LYPLAL1: variants seen among roughly 807,000 people sequenced by gnomAD.
The protein encoded by LYPLAL1 is lysophospholipase-like protein 1.
Under a neutral mutation model 19.7 loss-of-function variants are expected in LYPLAL1, and 23 were observed. That is an observed-to-expected ratio of 1.17 (90% CI 0.84 to 1.65). The LOEUF (loss-of-function observed/expected upper bound fraction) is 1.65. LYPLAL1 is among the 40% of genes most tolerant of loss of function. The pLI is 0.00. For synonymous variants in LYPLAL1, 119 were observed against 96.3 expected, an observed-to-expected ratio of 1.24 and a Z score of -1.38; for missense variants, 355 against 279.4, an observed-to-expected ratio of 1.27 and a Z score of -1.93.
the LYPLAL1 span, among the ~76,000 whole-genome samples, chr1:219,328,700 T>A: frequency 1.4e-4 from 21 of 152,158 alleles, no homozygotes; most frequent in African/African-American, 5.1e-4. Context: ...CAAAATTATA[T>A]ACAGTATCTA....
the LYPLAL1 span, among the ~76,000 whole-genome samples, chr1:219,358,949 T>G: frequency 6.6e-6 from 1 of 152,116 alleles, no homozygotes; most frequent in Admixed American, 6.5e-5. Flanking sequence ...CCACTAGGCC[T>G]TCCCAGTAGT....
At chr1:219,327,857 T>C in the LYPLAL1 span, among the ~76,000 whole-genome samples, 20 of 152,168 alleles carry the variant, frequency 1.3e-4, no homozygotes, top group Admixed American at 2.6e-4. Context: ...CCTTTCATCT[T>C]CCACCATGAT....
the LYPLAL1 span, among the ~76,000 whole-genome samples, chr1:219,247,694 A>G: frequency 6.6e-6 from 1 of 152,200 alleles, no homozygotes; most frequent in Non-Finnish European, 1.5e-5. Flanking sequence ...AAAATAATAA[A>G]CAACAGCTTC....
chr1:219,257,352 A>ATT, the LYPLAL1 span, among the ~76,000 whole-genome samples: 1 of 70,920 alleles, frequency 1.4e-5, no homozygotes, highest in African/African-American at 4.4e-5. Context: ...CATCCATACC[A>ATT]GTTTTTGTTT....
chr1:219,193,063 G>GT lies in LYPLAL1; in HGVS notation c.192-19_192-18insT, dbSNP rs761622886. On this transcript the variant is annotated intron_variant, in intron 2 of 4. Coordinates refer to ENST00000366928, the MANE Select transcript of LYPLAL1 (RefSeq NM_138794.5). ...CCTTTTCCTTTCTTTTTTTTTGGGG[G>GT]GGGGCGGTTGTTAAACAGATCATAT... is the stretch of plus-strand genomic sequence containing the variant. The GT allele has an allele frequency of 1.4e-5, 21 of 1,516,144 alleles. No homozygotes were observed. Among genetic ancestry groups the GT allele is most frequent in the South Asian group, 7.7e-5 (6 of 77,826 alleles). The allele number at this position is 1,516,144 out of a possible 1,614,324, so 93.9% of individuals were successfully genotyped here.
chr1:219,422,893 T>A, the LYPLAL1 span, among the ~76,000 whole-genome samples: 1 of 152,192 alleles, frequency 6.6e-6, no homozygotes, highest in African/African-American at 2.4e-5. Flanking sequence ...TAGTCATCTT[T>A]GGTCATTCAC....
At chr1:219,271,445 C>T in the LYPLAL1 span, 4 of 149,018 alleles carry the variant, frequency 2.7e-5, no homozygotes, top group Non-Finnish European at 5.9e-5. Context: ...AACTAAAAGA[C>T]CGGCTCCGTG....
the LYPLAL1 span, among the ~76,000 whole-genome samples, chr1:219,281,480 C>T: frequency 3.9e-5 from 6 of 152,076 alleles, no homozygotes; most frequent in Admixed American, 1.3e-4. Flanking sequence ...CTGTAAAACC[C>T]AGAAAGGCTC....
At position 219,211,520 on chromosome 1, in the gene LYPLAL1, C is replaced by G; in HGVS notation, c.506C>G (p.Pro169Arg). ...QALQKSNGVL[P>R]ELFQCHGTAD... ...CTTCAGAAGAGTAATGGTGTACTTC[C>G]TGAATTATTTCAGTGTCATGGTACT... Residue 169 changes from proline to arginine, a missense_variant, in exon 5 of 5, where the codon CCT (proline) becomes CGT (arginine). Transcript: ENST00000366928. 6.2e-7 allele frequency: 1 copy of G among 1,611,556 alleles called. No individual in the cohort carries two copies. Among genetic ancestry groups the G allele is most frequent in the Non-Finnish European group, 8.5e-7 (1 of 1,178,336 alleles).
At chr1:219,256,850 C>G in the LYPLAL1 span, among the ~76,000 whole-genome samples, 1 of 151,908 alleles carries the variant, frequency 6.6e-6, no homozygotes, top group Admixed American at 6.6e-5. Flanking sequence ...TCTTTTCCAA[C>G]CTTTTGGGAA....
At chr1:219,389,907 T>C in the LYPLAL1 span, among the ~76,000 whole-genome samples, 3 of 152,320 alleles carry the variant, frequency 2.0e-5, no homozygotes, top group East Asian at 1.9e-4. Context: ...CAGATTTGCA[T>C]AGATTGAAAA....
chr1:219,367,945 AT>A, the LYPLAL1 span, among the ~76,000 whole-genome samples: 148 of 144,472 alleles, frequency 1.0e-3, 1 homozygote, highest in Middle Eastern at 7.2e-3. Flanking sequence ...TGGCTTTACA[AT>A]TTTTTTTTTT....
At chr1:219,237,558 A>G in the LYPLAL1 span, among the ~76,000 whole-genome samples, 1 of 152,184 alleles carries the variant, frequency 6.6e-6, no homozygotes, top group Non-Finnish European at 1.5e-5. Context: ...GTATAGAGTT[A>G]TATTTGTTAT....
the LYPLAL1 span, among the ~76,000 whole-genome samples, chr1:219,231,711 A>G: frequency 2.8e-3 from 425 of 152,338 alleles, 3 homozygotes; most frequent in African/African-American, 8.8e-3. Flanking sequence ...GGGAAGTCCA[A>G]CCAGACTGAT....
the LYPLAL1 span, among the ~76,000 whole-genome samples, chr1:219,295,700 T>A: frequency 2.0e-5 from 3 of 152,194 alleles, no homozygotes; most frequent in Admixed American, 2.0e-4. Flanking sequence ...TTTGCCATTG[T>A]TCTGTCCCCT....
chr1:219,293,126 A>G, the LYPLAL1 span, among the ~76,000 whole-genome samples: 38 of 152,308 alleles, frequency 2.5e-4, no homozygotes, highest in African/African-American at 8.7e-4. Context: ...CCGAGTTTAC[A>G]TCTGGGATGG....
At chr1:219,240,190 T>C in the LYPLAL1 span, among the ~76,000 whole-genome samples, 4 of 151,986 alleles carry the variant, frequency 2.6e-5, no homozygotes, top group Non-Finnish European at 4.4e-5. Context: ...TTGTACATTG[T>C]CCTGGACCTA....
At chr1:219,192,401 T>C (rs1450155996) in intron 2 of LYPLAL1, among the ~76,000 whole-genome samples, 1 of 151,634 alleles carries the variant, frequency 6.6e-6, no homozygotes, top group Non-Finnish European at 1.5e-5. Context: ...TTACTTGTCA[T>C]TGGTTTAGAG....
chr1:219,270,585 T>C, the LYPLAL1 span, among the ~76,000 whole-genome samples: 3 of 152,176 alleles, frequency 2.0e-5, no homozygotes, highest in African/African-American at 7.2e-5. Flanking sequence ...TTTTCTACCG[T>C]ACATATGGTG....
Sources: gnomAD v4.1 joint callset for allele counts (sites outside exome capture counted in the v4.1 genomes callset) on GRCh38, gnomAD v4.1.1 for gene constraint, MANE v1.5 for transcripts, NCBI Gene and HGNC (gene_info 2026-07-23, HGNC 2026-07-21) for gene names.